The following CEP126 variants were observed in gnomAD, a reference collection of about 807,000 sequenced individuals.
CEP126 encodes the protein centrosomal protein of 126 kDa.
A neutral mutation model predicts 107.8 loss-of-function variants in CEP126; 74 were observed. The observed-to-expected ratio is 0.69, with a 90% CI of 0.57 to 0.83. CEP126 has a LOEUF of 0.83. CEP126 is among the 40% of genes least tolerant of loss of function. CEP126 has a pLI of 0.00. For missense variants in CEP126, 1,237 were observed against 1,281.9 expected (o/e 0.96, Z 0.53); for synonymous variants, 449 against 446.0 (o/e 1.01, Z -0.08).
At chr11:101,938,878 G>T (rs11225075) in intron 2 of CEP126, among the ~76,000 whole-genome samples, 1 of 151,230 alleles carries the variant, frequency 6.6e-6, no homozygotes, top group Non-Finnish European at 1.5e-5. Context: ...CAGTTATTTG[G>T]AGCTTTTCTA....
chr11:101,927,461 A>G (rs1940430044), intron 2 of CEP126, among the ~76,000 whole-genome samples: 1 of 152,192 alleles, frequency 6.6e-6, no homozygotes, highest in Middle Eastern at 3.2e-3. Flanking sequence ...ATAGTACAAT[A>G]TCACAACTAG....
At chr11:101,955,853 C>G (rs1217723272) in intron 4 of CEP126, 1 of 456,214 alleles carries the variant, frequency 2.2e-6, no homozygotes. Flanking sequence ...TCAACTGTCT[C>G]CTCCACGGGT....
intron 2 of CEP126, among the ~76,000 whole-genome samples, chr11:101,926,265 A>G (rs1204028103): frequency 6.6e-6 from 1 of 152,190 alleles, no homozygotes; most frequent in Non-Finnish European, 1.5e-5. Flanking sequence ...CTCTCGTATT[A>G]GTTAACCAAG....
At chr11:101,988,170 T>G (rs751278006) in intron 9 of CEP126, among the ~76,000 whole-genome samples, 9 of 152,158 alleles carry the variant, frequency 5.9e-5, no homozygotes, top group Non-Finnish European at 1.0e-4. Flanking sequence ...ATTTTTAAAC[T>G]TAAACATGCA....
chr11:101,924,665 G>C (rs1037143487), intron 2 of CEP126, among the ~76,000 whole-genome samples: 1 of 151,964 alleles, frequency 6.6e-6, no homozygotes, highest in East Asian at 1.9e-4. Context: ...ACAAGGTTTC[G>C]CCATGTTGGC....
chr11:101,997,643 ATTC>A lies in CEP126; in HGVS notation c.*1_*3del. 6.2e-7 allele frequency: 1 copy of A among 1,613,916 alleles called. No homozygotes were observed. Among genetic ancestry groups the A allele is most frequent in the Admixed American group, 1.7e-5 (1 of 60,012 alleles). Reference sequence around the variant, plus strand: ...CCAGCAGCTGCAGAGACAAGAGATAATTCCAGCAGAATCCGTCTAAGAAGACCT... The same window carrying A: ...CCAGCAGCTGCAGAGACAAGAGATAACAGCAGAATCCGTCTAAGAAGACCT... On this transcript the variant is annotated 3_prime_UTR_variant, in exon 11 of 11. Coordinates refer to ENST00000263468, the MANE Select transcript of CEP126 (RefSeq NM_020802.4).
At chr11:101,961,350 A>G (rs1385593053) in intron 5 of CEP126, among the ~76,000 whole-genome samples, 1 of 152,116 alleles carries the variant, frequency 6.6e-6, no homozygotes, top group African/African-American at 2.4e-5. Context: ...ATTCAAGTCC[A>G]GTGAATGTTT....
At chr11:101,978,846 A>G (rs751585747) in intron 7 of CEP126, among the ~76,000 whole-genome samples, 3 of 152,202 alleles carry the variant, frequency 2.0e-5, no homozygotes, top group Non-Finnish European at 4.4e-5. Context: ...CAAGTATGCT[A>G]GGCCAGGCGC....
At chr11:101,997,072 C>G (rs766433405) in intron 10 of CEP126, among the ~76,000 whole-genome samples, 2 of 152,212 alleles carry the variant, frequency 1.3e-5, no homozygotes, top group African/African-American at 2.4e-5. Flanking sequence ...GAGTCTTGCT[C>G]TGTCACCCAG....
chr11:101,967,232 G>C (rs1206041590), intron 6 of CEP126, among the ~76,000 whole-genome samples: 2 of 151,772 alleles, frequency 1.3e-5, no homozygotes, highest in Non-Finnish European at 2.9e-5. Context: ...ACCCAGGCTG[G>C]TCTTGAACTC....
chr11:101,956,321 T>G (rs1940889400), intron 4 of CEP126: 1 of 456,228 alleles, frequency 2.2e-6, no homozygotes, highest in African/African-American at 2.0e-5. Context: ...GCCTTCCTGT[T>G]TATCCAGTCA....
At chr11:101,930,821 G>GT (rs1406250893) in intron 2 of CEP126, among the ~76,000 whole-genome samples, 4 of 152,180 alleles carry the variant, frequency 2.6e-5, no homozygotes, top group Admixed American at 6.5e-5. Context: ...TATTTTTATT[G>GT]TTTTTTCCCA....
chr11:101,920,847 C>G (rs1940315504), intron 1 of CEP126, among the ~76,000 whole-genome samples: 2 of 152,158 alleles, frequency 1.3e-5, no homozygotes, highest in African/African-American at 4.8e-5. Context: ...CTCAAGCAGT[C>G]TGCCCACCTT....
rs142032267 is a variant in CEP126 at position 101,922,715 on chromosome 11, G to A, written c.203G>A (p.Arg68Gln). The change falls in exon 2 of 11, where the codon CGA becomes CAA. Residue 68 changes from arginine (R) to glutamine (Q), a missense_variant. By Grantham distance (43) the Arg-to-Gln change is conservative. Transcript: ENST00000263468. ...QILLQQQKIC[R>Q]NRARKYFVES... Reference sequence around the variant, plus strand: ...TTACTGCAGCAACAAAAAATATGTCGAAATCGAGCACGTAAATATTTTGTG... The same window carrying A: ...TTACTGCAGCAACAAAAAATATGTCAAAATCGAGCACGTAAATATTTTGTG... The A allele has an allele frequency of 4.2e-5, 68 of 1,612,664 alleles. No homozygotes were observed. The highest frequency in any genetic ancestry group is 1.7e-4 in the Middle Eastern group (1 of 6,060).
chr11:101,922,887 T>A, intron 2 of CEP126, 127 bp downstream of exon 2: 1 of 707,494 alleles, frequency 1.4e-6, no homozygotes, highest in Admixed American at 3.1e-5. Context: ...TTGATCAAGA[T>A]TTGTGTGGCT....
At chr11:101,971,295 C>G (rs1941124796) in intron 6 of CEP126, among the ~76,000 whole-genome samples, 1 of 151,104 alleles carries the variant, frequency 6.6e-6, no homozygotes, top group Admixed American at 6.6e-5. Context: ...TTTTAAAACT[C>G]TGAATAACAA....
At chr11:101,931,014 C>G (rs771528793) in intron 2 of CEP126, among the ~76,000 whole-genome samples, 4 of 152,038 alleles carry the variant, frequency 2.6e-5, no homozygotes. Flanking sequence ...ATTTCTCCTT[C>G]TAGCAGCTCC....
intron 2 of CEP126, among the ~76,000 whole-genome samples, chr11:101,934,328 G>GC (rs1302612068): frequency 6.6e-6 from 1 of 151,974 alleles, no homozygotes; most frequent in East Asian, 1.9e-4. Context: ...TGAACTTCAC[G>GC]CATTCAATGG....
intron 4 of CEP126, chr11:101,956,607 C>G (rs977766812): frequency 1.8e-5 from 8 of 456,208 alleles, no homozygotes; most frequent in African/African-American, 1.0e-4. Context: ...TCTATTCTTT[C>G]CTCTTCTTCG....
Sources: gnomAD v4.1 joint callset for allele counts (sites outside exome capture counted in the v4.1 genomes callset) on GRCh38, gnomAD v4.1.1 for gene constraint, MANE v1.5 for transcripts, NCBI Gene and HGNC (gene_info 2026-07-23, HGNC 2026-07-21) for gene names.